NUP155: variants seen among roughly 807,000 people sequenced by gnomAD.
The protein encoded by NUP155 is nuclear pore complex protein Nup155.
A neutral mutation model predicts 180.4 loss-of-function variants in NUP155; 71 were observed. That is an observed-to-expected ratio of 0.39 (90% CI 0.33 to 0.48). The LOEUF (loss-of-function observed/expected upper bound fraction) is 0.48, where lower values mean the gene tolerates loss of function less well. Among genes scored for constraint, NUP155 ranks in the 20% least tolerant of loss-of-function variants. The pLI is 0.91. For synonymous variants in NUP155, 582 were observed against 559.5 expected, an observed-to-expected ratio of 1.04 and a Z score of -0.57; for missense variants, 1,553 against 1,648.9, an observed-to-expected ratio of 0.94 and a Z score of 1.01.
rs1438299531 is a variant in NUP155, at chr5:37,337,818, CT to C, written c.1346del (p.Gln449ArgfsTer2). ...TTTCAGAATTGTCAGGATAACTTAC[CT>C]GGGTTTCCATCATTGGCTTTTGGAA... ...FPFQKPMMET[Q>X]MTAGVDGHSW... On this transcript the variant is annotated frameshift_variant and splice_region_variant, in exon 12 of 35. Coordinates refer to ENST00000231498, the MANE Select transcript of NUP155 (RefSeq NM_153485.3). LOFTEE classifies it high-confidence loss of function. 6.3e-7 allele frequency: 1 copy of C among 1,580,360 alleles called. No homozygotes were observed. Among genetic ancestry groups the C allele is most frequent in the Non-Finnish European group, 8.7e-7 (1 of 1,149,952 alleles).
At chr5:37,295,870 G>A (rs1742519458) in intron 32 of NUP155, among the ~76,000 whole-genome samples, 1 of 150,522 alleles carries the variant, frequency 6.6e-6, no homozygotes, top group African/African-American at 2.5e-5. Flanking sequence ...CGTCCGGGAG[G>A]GAGGTTGGGG....
intron 1 of NUP155, among the ~76,000 whole-genome samples, chr5:37,365,023 G>C (rs1747465446): frequency 6.6e-6 from 1 of 151,918 alleles, no homozygotes. Flanking sequence ...TAGCACTTTG[G>C]GAGGCCGAGG....
intron 6 of NUP155, among the ~76,000 whole-genome samples, chr5:37,350,949 T>C (rs948157806): frequency 6.6e-6 from 1 of 152,042 alleles, no homozygotes; most frequent in African/African-American, 2.4e-5. Context: ...TAGATATCTA[T>C]AGAGACATTG....
At chr5:37,295,681 G>C (rs1177030846) in intron 32 of NUP155, among the ~76,000 whole-genome samples, 1 of 150,148 alleles carries the variant, frequency 6.7e-6, no homozygotes, top group Non-Finnish European at 1.5e-5. Context: ...GAGATGTGGG[G>C]AGCGCCTCTG....
At chr5:37,308,486 C>G (rs890353786) in intron 24 of NUP155, among the ~76,000 whole-genome samples, 1 of 151,988 alleles carries the variant, frequency 6.6e-6, no homozygotes, top group African/African-American at 2.4e-5. Flanking sequence ...ATCATGAGGT[C>G]AGGAGATTGA....
At chr5:37,324,641 C>T (rs549574806) in intron 19 of NUP155, among the ~76,000 whole-genome samples, 1 of 152,050 alleles carries the variant, frequency 6.6e-6, no homozygotes, top group Admixed American at 6.6e-5. Context: ...GCAGCCTTGA[C>T]TTCCTAAGTT....
intron 9 of NUP155, among the ~76,000 whole-genome samples, chr5:37,348,176 C>A (rs1281465907): frequency 6.6e-6 from 1 of 152,004 alleles, no homozygotes; most frequent in Admixed American, 6.6e-5. Flanking sequence ...TGGTGGCAGG[C>A]ACCTGTAATC....
At position 37,329,924 on chromosome 5, in the gene NUP155, T is replaced by C. The variant is rs142912607; in HGVS notation, c.1724+114A>G. 1.5e-4 allele frequency: 113 copies of C among 742,918 alleles called. 2 individuals carry two copies. In the African/African-American group the frequency reaches 1.6e-3, roughly 11 times the overall value. The allele number at this position is 742,918 out of a possible 1,614,324, so 46.0% of individuals were successfully genotyped here. A position where few individuals can be genotyped will look rare whatever the true frequency, so the allele number is the denominator to read the frequency against. Reference sequence around the variant, plus strand: ...CCCTTTTGCAAATGAATTTTGGTAATTTGCCTACATAGTCACTCAACTGTT... The same window carrying C: ...CCCTTTTGCAAATGAATTTTGGTAACTTGCCTACATAGTCACTCAACTGTT... On this transcript the variant is annotated intron_variant, in intron 15 of 34. Coordinates refer to ENST00000231498, the MANE Select transcript of NUP155 (RefSeq NM_153485.3).
At chr5:37,324,908 T>C (rs1744486859) in intron 19 of NUP155, among the ~76,000 whole-genome samples, 1 of 152,076 alleles carries the variant, frequency 6.6e-6, no homozygotes, top group Admixed American at 6.6e-5. Flanking sequence ...GTATTCTCAG[T>C]GGAGGCCGAG....
At chr5:37,340,044 C>G (rs375687225) in intron 11 of NUP155, among the ~76,000 whole-genome samples, 1 of 152,280 alleles carries the variant, frequency 6.6e-6, no homozygotes, top group East Asian at 1.9e-4. Context: ...CAGGCGTGAG[C>G]CACTGCACCC....
At position 37,364,657 on chromosome 5, in the gene NUP155, GAT is replaced by G. The variant is rs1312294658; in HGVS notation, c.158-275_158-274del. Among the ~76,000 whole-genome samples, 15 of 148,454 alleles carry G rather than the reference GAT, an allele frequency of 1.0e-4. No homozygotes were observed. The East Asian group carries it at 2.8e-3, about 27-fold the overall frequency. On this transcript the variant is annotated intron_variant, in intron 1 of 34. Transcript: ENST00000231498. ...TTTATTTTATTTTTTTTTTTTTTGA[GAT>G]AGAGTCTCGCACTGTCGCCCAGGCT...
intron 31 of NUP155, 102 bp from the exon 32 acceptor site, chr5:37,299,080 C>T: frequency 1.3e-6 from 1 of 741,226 alleles, no homozygotes; most frequent in Non-Finnish European, 2.4e-6. Context: ...TACTTTAGAA[C>T]AGATAGTCAC....
intron 15 of NUP155, among the ~76,000 whole-genome samples, chr5:37,329,666 G>A (rs550964743): frequency 6.6e-5 from 10 of 152,130 alleles, no homozygotes; most frequent in East Asian, 1.9e-4. Flanking sequence ...TATCTCTTTG[G>A]TACCAAGTTT....
rs532097432 is a variant in NUP155 at position 37,300,922 on chromosome 5, C to A, written c.3561+515G>T. 35 of 167,164 alleles carry A rather than the reference C, an allele frequency of 2.1e-4. No individual in the cohort carries two copies. In the South Asian group the frequency reaches 4.9e-3, roughly 24 times the overall value. The allele number at this position is 167,164 out of a possible 1,614,324, so 10.4% of individuals were successfully genotyped here. Reference sequence around the variant, plus strand: ...CACTGAAACCCCCACCTCCTGGGTTCAAGCAATTCTCCTGCCTCAGCCTCC... The same window carrying A: ...CACTGAAACCCCCACCTCCTGGGTTAAAGCAATTCTCCTGCCTCAGCCTCC... On this transcript the variant is annotated intron_variant, in intron 30 of 34. Transcript: ENST00000231498.
chr5:37,333,359 A>G, intron 13 of NUP155, 104 bp downstream of exon 13: 1 of 1,103,304 alleles, frequency 9.1e-7, no homozygotes, highest in Non-Finnish European at 1.4e-6. Context: ...GTCTCAAAAA[A>G]AAAAGAAAGA....
rs772414894 is a variant in NUP155 at position 37,307,336 on chromosome 5, G to C, written c.2864C>G (p.Pro955Arg). 8.1e-6 allele frequency: 13 copies of C among 1,613,804 alleles called. No individual in the cohort carries two copies. Among genetic ancestry groups the C allele is most frequent in the African/African-American group, 1.3e-5 (1 of 74,852 alleles). The change falls in exon 25 of 35, where the codon CCA (proline) becomes CGA (arginine). Residue 955 changes from proline (P) to arginine (R), a missense_variant. Physicochemically the swap from Pro to Arg is moderately radical, Grantham distance 103 (BLOSUM62 -2). Transcript: ENST00000231498. ...CTGAAGTCCAACTATGTCTTCTTCT[G>C]GTTCTCCATGTTTATAGAAATGAAG... ...LGLHFYKHGE[P>R]EEDIVGLQAF...
intron 7 of NUP155, 71 bp from the exon 8 acceptor site, chr5:37,349,316 A>G: frequency 2.1e-6 from 1 of 487,070 alleles, no homozygotes; most frequent in Non-Finnish European, 3.7e-6. Flanking sequence ...TACATTAGCT[A>G]GTTACAACAA....
chr5:37,368,788 C>A (rs934390391), intron 1 of NUP155, among the ~76,000 whole-genome samples: 2 of 152,158 alleles, frequency 1.3e-5, no homozygotes, highest in African/African-American at 4.8e-5. Context: ...GCACTCCAGG[C>A]TGGGTGACAG....
intron 4 of NUP155, among the ~76,000 whole-genome samples, chr5:37,355,435 G>A (rs1420874315): frequency 6.6e-6 from 1 of 151,792 alleles, no homozygotes; most frequent in Non-Finnish European, 1.5e-5. Context: ...TTAAACCCAG[G>A]AGGCGGAGGT....
Sources: allele counts gnomAD v4.1 joint callset (sites outside exome capture counted in the v4.1 genomes callset), GRCh38; gene constraint gnomAD v4.1.1; transcripts MANE v1.5; gene names NCBI Gene and HGNC (gene_info 2026-07-23, HGNC 2026-07-21).